The following SLF2 variants were observed in gnomAD, a reference collection of about 807,000 sequenced individuals.
The protein encoded by SLF2 is SMC5/6 complex localization factor 2.
Under a neutral mutation model 124.3 loss-of-function variants are expected in SLF2, and 68 were observed. That is an observed-to-expected ratio of 0.55 (90% confidence interval 0.45 to 0.67). The LOEUF (loss-of-function observed/expected upper bound fraction) is 0.67. Ranked by LOEUF, SLF2 falls within the 30% of genes least tolerant of loss-of-function variation. SLF2 has a pLI of 0.00. For missense variants in SLF2, 1,246 were observed against 1,373.7 expected (o/e 0.91, Z 1.47); for synonymous variants, 480 against 478.8 (o/e 1.00, Z -0.03).
chr10:100,952,305 G>T (rs1850232133), intron 17 of SLF2, among the ~76,000 whole-genome samples: 1 of 151,542 alleles, frequency 6.6e-6, no homozygotes, highest in African/African-American at 2.4e-5. Context: ...ACTTTGGGAG[G>T]CCAAGGCGGG....
At chr10:100,921,536 G>T (rs1849524736) in intron 4 of SLF2, among the ~76,000 whole-genome samples, 1 of 152,280 alleles carries the variant, frequency 6.6e-6, no homozygotes, top group Non-Finnish European at 1.5e-5. Flanking sequence ...TTAATCACCT[G>T]ACCTGAAGAG....
intron 17 of SLF2, among the ~76,000 whole-genome samples, chr10:100,952,053 G>C (rs1850225519): frequency 1.3e-5 from 2 of 152,152 alleles, no homozygotes; most frequent in African/African-American, 4.8e-5. Flanking sequence ...AGACCAGCCT[G>C]GCCAGCATGG....
chr10:100,958,068 TAAAAC>T (rs1202930561), intron 18 of SLF2, among the ~76,000 whole-genome samples: 4 of 152,138 alleles, frequency 2.6e-5, no homozygotes, highest in South Asian at 4.1e-4. Flanking sequence ...TAATAATAAA[TAAAAC>T]AAAATAAAAT....
In SLF2 at chr10:100,924,378, T is replaced by C; in HGVS notation, c.1377T>C (p.Asn459=). 1 of 1,613,668 alleles carries C rather than the reference T, an allele frequency of 6.2e-7. No homozygotes were observed. The highest frequency in any genetic ancestry group is 8.5e-7 in the Non-Finnish European group (1 of 1,179,836). ...AAAAAGCTAGCAACCTTCAGAAAAA[T>C]AAAACCGCTAGCTCCACGACAAAGG... ...AIKKASNLQK[N]KTASSTTKEK... The change falls in exon 5 of 20, where the codon AAT becomes AAC. Residue 459 remains asparagine (N), a synonymous_variant. Transcript: ENST00000238961.
intron 17 of SLF2, among the ~76,000 whole-genome samples, chr10:100,952,719 A>G (rs1198765685): frequency 6.6e-6 from 1 of 151,840 alleles, no homozygotes; most frequent in African/African-American, 2.4e-5. Context: ...CGGGTGGATC[A>G]CCTGAGATCA....
At chr10:100,914,310 GT>G (rs1293870085) in intron 1 of SLF2, among the ~76,000 whole-genome samples, 1 of 117,894 alleles carries the variant, frequency 8.5e-6, no homozygotes, top group Non-Finnish European at 2.1e-5. Context: ...GTGTGTGTGT[GT>G]GTTTTTTTTT....
intron 9 of SLF2, among the ~76,000 whole-genome samples, chr10:100,935,921 C>T (rs1176596708): frequency 7.7e-6 from 1 of 130,446 alleles, no homozygotes; most frequent in East Asian, 2.3e-4. Context: ...TGCAGTGGTG[C>T]GATCACTGCT....
chr10:100,947,804 T>A lies in SLF2; in HGVS notation c.3077T>A (p.Leu1026Ter). The A allele has an allele frequency of 2.5e-6, 4 of 1,612,390 alleles. No individual in the cohort carries two copies. The highest frequency in any genetic ancestry group is 3.4e-6 in the Non-Finnish European group (4 of 1,179,262). Residue 1026 changes from leucine (L) to a stop codon, truncating the protein, a stop_gained, in exon 15 of 20, where the codon TTG becomes TAG. Transcript: ENST00000238961. LOFTEE classifies it high-confidence loss of function. ...CLSLVIISKL[L>*]DEKHEDVPNA... ...AGTCTAGTGATTATTTCAAAGCTTT[T>A]GGATGAGAAACACGAAGATGTTCCT...
At chr10:100,933,474 A>G (rs1261217138) in intron 9 of SLF2, among the ~76,000 whole-genome samples, 3 of 152,162 alleles carry the variant, frequency 2.0e-5, no homozygotes, top group South Asian at 2.1e-4. Flanking sequence ...TTTTAATGCT[A>G]TACTCCTAAC....
chr10:100,959,316 A>C, intron 18 of SLF2, 112 bp from the exon 19 acceptor site: 1 of 836,466 alleles, frequency 1.2e-6, no homozygotes, highest in Admixed American at 2.8e-5. Flanking sequence ...AATCAAATTG[A>C]GTTGTTGAGT....
At chr10:100,947,283 A>G (rs1850122584) in intron 14 of SLF2, 147 bp downstream of exon 14, 2 of 494,702 alleles carry the variant, frequency 4.0e-6, no homozygotes, top group South Asian at 4.2e-5. Context: ...AGGCATTGAT[A>G]GCCTGATTCT....
intron 3 of SLF2, 132 bp downstream of exon 3, chr10:100,917,432 G>A (rs1589941276): frequency 2.9e-6 from 3 of 1,019,372 alleles, no homozygotes; most frequent in East Asian, 2.8e-5. Flanking sequence ...CACAGTTTGT[G>A]TAGAAGCTGG....
chr10:100,950,279 A>G, intron 16 of SLF2, 72 bp downstream of exon 16: 1 of 1,450,426 alleles, frequency 6.9e-7, no homozygotes, highest in Non-Finnish European at 9.2e-7. Flanking sequence ...CCATAGACTG[A>G]TATGTAGGCA....
At chr10:100,925,842 C>T in intron 5 of SLF2, 107 bp from the exon 6 acceptor site, 1 of 1,084,398 alleles carries the variant, frequency 9.2e-7, no homozygotes. Context: ...TATCCTGGCC[C>T]AGATTATTGA....
intron 12 of SLF2, 122 bp from the exon 13 acceptor site, chr10:100,945,208 C>A: frequency 1.4e-6 from 1 of 738,522 alleles, no homozygotes. Context: ...CTCTAGACAT[C>A]GGATGTTTGT....
At chr10:100,933,450 ATTATG>A (rs1849784689) in intron 9 of SLF2, among the ~76,000 whole-genome samples, 1 of 152,164 alleles carries the variant, frequency 6.6e-6, no homozygotes, top group Non-Finnish European at 1.5e-5. Flanking sequence ...GTTTTTAGAA[ATTATG>A]TCAATTCATT....
chr10:100,939,550 C>T (rs1849927649), intron 11 of SLF2, among the ~76,000 whole-genome samples: 1 of 151,868 alleles, frequency 6.6e-6, no homozygotes, highest in African/African-American at 2.4e-5. Flanking sequence ...TAGTGGCACG[C>T]ACCTGTAGTC....
rs752674476 is a variant in SLF2, at chr10:100,950,712, G to A, written c.3289G>A (p.Gly1097Ser). The A allele has an allele frequency of 2.5e-6, 4 of 1,613,900 alleles. No individual in the cohort carries two copies. The highest frequency in any genetic ancestry group is 1.3e-5 in the African/African-American group (1 of 75,020). The change falls in exon 17 of 20, where the codon GGT becomes AGT. Residue 1097 changes from glycine to serine, a missense_variant. Around this residue, in one of 3 missense-constraint regions of SLF2, gnomAD observed 535 missense variants for 632.8 expected, o/e 0.85. Coordinates refer to ENST00000238961, the MANE Select transcript of SLF2 (RefSeq NM_018121.4). ...YLTYILLHLV[G>S]EVSCSHSFSS... Reference sequence around the variant, plus strand: ...GACCTACATTCTTCTTCATTTAGTCGGTGAAGTTAGTTGTTCTCATTCTTT... The same window carrying A: ...GACCTACATTCTTCTTCATTTAGTCAGTGAAGTTAGTTGTTCTCATTCTTT...
At chr10:100,952,228 A>G (rs919433234) in intron 17 of SLF2, among the ~76,000 whole-genome samples, 2 of 149,634 alleles carry the variant, frequency 1.3e-5, no homozygotes, top group Non-Finnish European at 3.0e-5. Flanking sequence ...TGGGCAACAG[A>G]GCGAGACTTC....
Sources: allele counts gnomAD v4.1 joint callset (sites outside exome capture counted in the v4.1 genomes callset), GRCh38; gene constraint gnomAD v4.1.1; regional missense constraint gnomAD v4.1.1; transcripts MANE v1.5; gene names NCBI Gene and HGNC (gene_info 2026-07-23, HGNC 2026-07-21).